The following RABL3 variants were observed in gnomAD, a reference collection of about 807,000 sequenced individuals.
RABL3 encodes the protein rab-like protein 3.
RABL3 carries 31 observed loss-of-function variants against 31.8 expected under a neutral mutation model. The observed-to-expected ratio is 0.97, with a 90% CI of 0.73 to 1.31. The LOEUF is 1.31. Among genes scored for constraint, RABL3 ranks in the 40% most tolerant of loss-of-function variants. The pLI, the probability that RABL3 is intolerant of heterozygous loss-of-function variation, is 0.00. For missense variants in RABL3, 263 were observed against 279.6 expected (o/e 0.94, Z 0.42); for synonymous variants, 97 against 99.9 (o/e 0.97, Z 0.18).
chr3:120,702,852 G>A (rs558554876), intron 4 of RABL3, among the ~76,000 whole-genome samples: 10 of 152,192 alleles, frequency 6.6e-5, no homozygotes, highest in South Asian at 2.1e-4. Context: ...CCACCGCGCC[G>A]GGCCCAGAAG....
At chr3:120,698,345 G>A (rs1319069032) in intron 5 of RABL3, 78 bp downstream of exon 5, 2 of 1,329,966 alleles carry the variant, frequency 1.5e-6, no homozygotes, top group African/African-American at 2.9e-5. Context: ...TCTTTCACTA[G>A]AATATATTAT....
At position 120,690,486 on chromosome 3, in the gene RABL3, A is replaced by G; in HGVS notation, c.608T>C (p.Val203Ala). 2 of 1,603,956 alleles carry G rather than the reference A, an allele frequency of 1.2e-6. No homozygotes were observed. Residue 203 changes from valine to alanine, a missense_variant and splice_region_variant, in exon 7 of 8, where the codon GTC becomes GCC. By Grantham distance (64) the Val-to-Ala change is moderately conservative. Transcript: ENST00000273375. ...TCTTAAAAAGTATCTCTTCTCTATG[A>G]CCTGTGAAAAACAAAGATTTTAAAG... ...AVKLSRFFDK[V>A]IEKRYFLREG...
chr3:120,706,251 G>C lies in RABL3; in HGVS notation c.269-137C>G, dbSNP rs1576335505. ...ATTCTAGTATGACTAACAACTCAGA[G>C]ACAATTATTTTAAAATTTTCTCTAC... On this transcript the variant is annotated intron_variant, in intron 3 of 7. Coordinates refer to ENST00000273375, the MANE Select transcript of RABL3 (RefSeq NM_173825.5). The C allele has an allele frequency of 4.5e-5, 26 of 579,462 alleles. No individual in the cohort carries two copies. The East Asian group carries it at 7.5e-4, about 17-fold the overall frequency. The allele number at this position is 579,462 out of a possible 1,614,324, so 35.9% of individuals were successfully genotyped here.
intron 2 of RABL3, among the ~76,000 whole-genome samples, chr3:120,726,460 T>C (rs1708821999): frequency 6.6e-6 from 1 of 151,872 alleles, no homozygotes; most frequent in Non-Finnish European, 1.5e-5. Flanking sequence ...ACCCCATCTG[T>C]ATAAAACAAA....
intron 2 of RABL3, among the ~76,000 whole-genome samples, chr3:120,724,108 A>T (rs1201915502): frequency 6.6e-6 from 1 of 152,234 alleles, no homozygotes; most frequent in Non-Finnish European, 1.5e-5. Flanking sequence ...AGGTCTCAGG[A>T]TACAAAATCA....
intron 2 of RABL3, among the ~76,000 whole-genome samples, chr3:120,713,005 T>G (rs1381875018): frequency 6.6e-6 from 1 of 152,132 alleles, no homozygotes; most frequent in Non-Finnish European, 1.5e-5. Context: ...GATACATGAT[T>G]AAGTTTGGCA....
chr3:120,704,900 C>T (rs1371857006), intron 4 of RABL3, among the ~76,000 whole-genome samples: 1 of 152,074 alleles, frequency 6.6e-6, no homozygotes, highest in African/African-American at 2.4e-5. Flanking sequence ...CAAAAATCAG[C>T]CAGGTATCCC....
chr3:120,739,652 A>G (rs888199970), intron 1 of RABL3, among the ~76,000 whole-genome samples: 1 of 152,168 alleles, frequency 6.6e-6, no homozygotes, highest in Non-Finnish European at 1.5e-5. Flanking sequence ...TTTTTTATAT[A>G]GAAACATTTA....
At chr3:120,725,385 G>T (rs1708805620) in intron 2 of RABL3, among the ~76,000 whole-genome samples, 1 of 152,224 alleles carries the variant, frequency 6.6e-6, no homozygotes, top group Admixed American at 6.5e-5. Context: ...GGAAGTCAGT[G>T]TGGTGATTCC....
chr3:120,729,032 T>C (rs775429314), intron 2 of RABL3, among the ~76,000 whole-genome samples: 5 of 152,140 alleles, frequency 3.3e-5, no homozygotes, highest in Non-Finnish European at 7.4e-5. Context: ...GAGTGAGTGA[T>C]GAAGACTAGA....
rs1472036224 is a variant in RABL3, at chr3:120,688,304, G to C, written c.*1519C>G. On this transcript the variant is annotated 3_prime_UTR_variant, in exon 8 of 8. Transcript: ENST00000273375. Reference sequence around the variant, plus strand: ...ATACTTGTGACCAATTCTACATACAGATCATGATTTGCATAGCTTTCCTTT... The same window carrying C: ...ATACTTGTGACCAATTCTACATACACATCATGATTTGCATAGCTTTCCTTT... The C allele has an allele frequency of 1.3e-5, 2 of 152,562 alleles. No individual in the cohort carries two copies. The highest frequency in any genetic ancestry group is 4.8e-5 in the African/African-American group (2 of 41,402). The allele number at this position is 152,562 out of a possible 1,614,324, so 9.5% of individuals were successfully genotyped here. A position where few individuals can be genotyped will look rare whatever the true frequency, so the allele number is the denominator to read the frequency against.
intron 4 of RABL3, among the ~76,000 whole-genome samples, chr3:120,700,770 G>C (rs1157553856): frequency 1.3e-5 from 2 of 152,018 alleles, no homozygotes; most frequent in African/African-American, 4.8e-5. Context: ...AAAGTGGGTA[G>C]AGATATGGAT....
intron 2 of RABL3, among the ~76,000 whole-genome samples, chr3:120,728,755 T>C (rs1157667652): frequency 6.6e-6 from 1 of 152,038 alleles, no homozygotes; most frequent in East Asian, 1.9e-4. Context: ...CGCTCCTACT[T>C]CAAACTTATA....
At chr3:120,693,105 C>T (rs1330366617) in intron 6 of RABL3, among the ~76,000 whole-genome samples, 1 of 152,044 alleles carries the variant, frequency 6.6e-6, no homozygotes, top group African/African-American at 2.4e-5. Context: ...CCCAACCCCC[C>T]CACCCTGAGG....
intron 1 of RABL3, among the ~76,000 whole-genome samples, chr3:120,737,674 AT>A (rs1708987807): frequency 6.6e-6 from 1 of 152,018 alleles, no homozygotes; most frequent in South Asian, 2.1e-4. Context: ...TTGGTCTTTG[AT>A]GATGGAGTCG....
At chr3:120,708,824 A>G (rs1296180354) in intron 3 of RABL3, among the ~76,000 whole-genome samples, 1 of 152,024 alleles carries the variant, frequency 6.6e-6, no homozygotes, top group Non-Finnish European at 1.5e-5. Flanking sequence ...GCTAAATAGG[A>G]TATGGGTCTG....
chr3:120,707,706 T>G (rs781233725), intron 3 of RABL3, among the ~76,000 whole-genome samples: 1 of 152,028 alleles, frequency 6.6e-6, no homozygotes, highest in African/African-American at 2.4e-5. Context: ...GGTGAGAATT[T>G]TGGACGGGGG....
rs546833661 is a variant in RABL3, at chr3:120,694,606, A to C, written c.535-382T>G. Among the ~76,000 whole-genome samples the C allele has an allele frequency of 5.3e-5, 8 of 152,228 alleles. No homozygotes were observed. In the East Asian group the frequency reaches 7.7e-4, roughly 15 times the overall value. ...GAAAAACAGTAAGCATTTCACTTTTAGTACTAGTTAATCACCAGTGCTCAA... is the reference window on the plus strand; with the variant it reads ...GAAAAACAGTAAGCATTTCACTTTTCGTACTAGTTAATCACCAGTGCTCAA... On this transcript the variant is annotated intron_variant, in intron 5 of 7. Transcript: ENST00000273375.
intron 2 of RABL3, among the ~76,000 whole-genome samples, chr3:120,720,233 G>GA (rs777876386): frequency 3.3e-5 from 5 of 152,144 alleles, no homozygotes; most frequent in Non-Finnish European, 5.9e-5. Flanking sequence ...CAAAGATGGG[G>GA]AAAAAACAGA....
Sources: gnomAD v4.1 joint callset for allele counts (sites outside exome capture counted in the v4.1 genomes callset) on GRCh38, gnomAD v4.1.1 for gene constraint, MANE v1.5 for transcripts, NCBI Gene and HGNC (gene_info 2026-07-23, HGNC 2026-07-21) for gene names.